Variants in GYS2 observed in about 807,000 individuals in gnomAD.
The protein encoded by GYS2 is glycogen [starch] synthase, liver.
In GYS2, 80 loss-of-function variants were observed where a neutral mutation model predicts 85.6. The observed-to-expected ratio is 0.93, with a 90% CI of 0.78 to 1.13. GYS2 has a LOEUF of 1.13. Ranked by LOEUF, GYS2 falls within the 50% of genes most tolerant of loss-of-function variation. GYS2 has a pLI of 0.00. For missense variants in GYS2, 881 were observed against 854.9 expected, an observed-to-expected ratio of 1.03 and a Z score of -0.38; for synonymous variants, 328 against 300.7, an observed-to-expected ratio of 1.09 and a Z score of -0.94.
Position 21,539,285 on chromosome 12 carries a change from G to C in GYS2, c.1863C>G (p.Phe621Leu). The change falls in exon 15 of 16, where the codon TTC becomes TTG. Residue 621 changes from phenylalanine (F) to leucine (L), a missense_variant. Phe to Leu is a conservative substitution (Grantham distance 22). Coordinates refer to ENST00000261195, the MANE Select transcript of GYS2 (RefSeq NM_021957.4). ...TTGGTGGTGATGTTAGTTCCACATG[G>C]AATTTATCTGGAAAAGCTCTGCTTA... ...LTLSRAFPDK[F>L]HVELTSPPTT... is the part of the protein sequence containing the mutation. 6.2e-7 allele frequency: 1 copy of C among 1,600,060 alleles called. No homozygotes were observed. Among genetic ancestry groups the C allele is most frequent in the Non-Finnish European group, 8.6e-7 (1 of 1,167,378 alleles).
At chr12:21,560,047 C>T (rs190756906) in intron 8 of GYS2, among the ~76,000 whole-genome samples, 1 of 152,252 alleles carries the variant, frequency 6.6e-6, no homozygotes, top group Non-Finnish European at 1.5e-5. Context: ...TGAATCTGAA[C>T]TATGAGTATA....
chr12:21,586,087 T>G (rs1249924052), intron 1 of GYS2, among the ~76,000 whole-genome samples: 1 of 152,150 alleles, frequency 6.6e-6, no homozygotes, highest in East Asian at 1.9e-4. Context: ...TGTGAGGGTA[T>G]TGCCAAAGGA....
At chr12:21,543,592 T>G (rs1200290768) in intron 12 of GYS2, among the ~76,000 whole-genome samples, 3 of 67,426 alleles carry the variant, frequency 4.4e-5, no homozygotes, top group Non-Finnish European at 7.3e-5. Flanking sequence ...TTTTAAAAAA[T>G]TTTACTTTAA....
At chr12:21,600,211 C>T (rs769139846) in intron 1 of GYS2, among the ~76,000 whole-genome samples, 21 of 152,122 alleles carry the variant, frequency 1.4e-4, no homozygotes, top group Non-Finnish European at 2.5e-4. Context: ...CTCACTAGAA[C>T]GCCTGGATTC....
At chr12:21,576,722 G>A (rs1280594286) in intron 2 of GYS2, among the ~76,000 whole-genome samples, 1 of 152,120 alleles carries the variant, frequency 6.6e-6, no homozygotes, top group East Asian at 1.9e-4. Context: ...AAGTTTTAAT[G>A]AATTAGCTCT....
At position 21,574,254 on chromosome 12, in the gene GYS2, G is replaced by A; in HGVS notation, c.568C>T (p.Leu190Phe). ...ATAGGAAGTTTCCTGGCTCGAGAAA[G>A]GATCAGTCCAATTCCAGCCTGCCAT... is the stretch of plus-strand genomic sequence containing the variant. ...HEWQAGIGLI[L>F]SRARKLPIAT... The change falls in exon 4 of 16, where the codon CTT becomes TTT. Residue 190 changes from leucine (L) to phenylalanine (F), a missense_variant. By Grantham distance (22) the Leu-to-Phe change is conservative (BLOSUM62 0). Coordinates refer to ENST00000261195, the MANE Select transcript of GYS2 (RefSeq NM_021957.4). 1 of 1,613,672 alleles carries A rather than the reference G, an allele frequency of 6.2e-7. No homozygotes were observed. The highest frequency in any genetic ancestry group is 8.5e-7 in the Non-Finnish European group (1 of 1,179,632).
intron 2 of GYS2, among the ~76,000 whole-genome samples, chr12:21,579,964 C>T (rs886984405): frequency 3.3e-5 from 5 of 152,236 alleles, no homozygotes; most frequent in African/African-American, 1.2e-4. Context: ...TTTGCAATCT[C>T]TAGCTTCTTT....
intron 5 of GYS2, among the ~76,000 whole-genome samples, chr12:21,566,550 T>C (rs534165616): frequency 6.6e-6 from 1 of 152,294 alleles, no homozygotes; most frequent in Non-Finnish European, 1.5e-5. Context: ...GAAAGCTAGC[T>C]TGTGGGCACT....
chr12:21,589,824 C>T (rs947557339), intron 1 of GYS2, among the ~76,000 whole-genome samples: 2 of 152,138 alleles, frequency 1.3e-5, no homozygotes, highest in African/African-American at 4.8e-5. Context: ...CTGGGTCCCA[C>T]CCCTGCCATC....
intron 1 of GYS2, among the ~76,000 whole-genome samples, chr12:21,584,855 C>A (rs977354428): frequency 6.6e-6 from 1 of 152,180 alleles, no homozygotes; most frequent in African/African-American, 2.4e-5. Flanking sequence ...TGCTTCTGAC[C>A]AAGCCACTCA....
intron 8 of GYS2, among the ~76,000 whole-genome samples, chr12:21,560,111 T>G (rs1944234461): frequency 6.6e-6 from 1 of 152,172 alleles, no homozygotes; most frequent in Admixed American, 6.5e-5. Flanking sequence ...AATTTCACAA[T>G]AGAAAGTTAA....
intron 12 of GYS2, among the ~76,000 whole-genome samples, chr12:21,545,737 G>A (rs1169497674): frequency 1.3e-5 from 2 of 152,100 alleles, no homozygotes; most frequent in Non-Finnish European, 2.9e-5. Context: ...GAAGAAGGAG[G>A]AGTTTCTGAA....
rs1277627398 is a variant in GYS2, at chr12:21,540,436, G to T, written c.1783C>A (p.Leu595Ile). The T allele has an allele frequency of 5.0e-6, 8 of 1,613,918 alleles. No homozygotes were observed. Among genetic ancestry groups the T allele is most frequent in the Non-Finnish European group, 6.8e-6 (8 of 1,179,964 alleles). The change falls in exon 14 of 16, where the codon CTT (leucine) becomes ATT (isoleucine). Residue 595 changes from leucine to isoleucine, a missense_variant. Transcript: ENST00000261195. ...QRNRTERLSD[L>I]LDWRYLGRYY... ...CTGCCTAAGTATCTCCAATCCAGAA[G>T]ATCTGAGAGCCTCTCAGTTCTGTTC... is the stretch of plus-strand genomic sequence containing the variant.
At chr12:21,598,991 T>C (rs1944725090) in intron 1 of GYS2, among the ~76,000 whole-genome samples, 1 of 152,044 alleles carries the variant, frequency 6.6e-6, no homozygotes, top group Non-Finnish European at 1.5e-5. Context: ...ACACTGCCAA[T>C]TTACTAAAAA....
intron 4 of GYS2, 95 bp downstream of exon 4, chr12:21,574,049 G>T: frequency 1.0e-6 from 1 of 980,240 alleles, no homozygotes; most frequent in Non-Finnish European, 1.6e-6. Context: ...TCTGCCATCT[G>T]GTTGGCAGAT....
intron 11 of GYS2, among the ~76,000 whole-genome samples, chr12:21,557,399 A>G (rs959502532): frequency 6.6e-6 from 1 of 152,190 alleles, no homozygotes; most frequent in African/African-American, 2.4e-5. Context: ...CATTGTGCCT[A>G]GTCATTGTGG....
chr12:21,569,139 T>C (rs1223600787), intron 4 of GYS2, 130 bp from the exon 5 acceptor site: 9 of 842,230 alleles, frequency 1.1e-5, no homozygotes, highest in Non-Finnish European at 1.8e-5. Flanking sequence ...AAAAAAGTAA[T>C]AAAAACTTGA....
intron 13 of GYS2, among the ~76,000 whole-genome samples, chr12:21,540,890 C>T (rs1002629517): frequency 1.3e-5 from 2 of 152,100 alleles, no homozygotes; most frequent in African/African-American, 4.8e-5. Context: ...ATATCTGTGC[C>T]TTTTATGTTC....
intron 9 of GYS2, 70 bp from the exon 10 acceptor site, chr12:21,559,239 G>T: frequency 1.3e-6 from 1 of 752,054 alleles, no homozygotes; most frequent in Non-Finnish European, 2.3e-6. Context: ...CTAAGCATCA[G>T]ATTATATATT....
Sources: allele counts gnomAD v4.1 joint callset (sites outside exome capture counted in the v4.1 genomes callset), GRCh38; gene constraint gnomAD v4.1.1; transcripts MANE v1.5; gene names NCBI Gene and HGNC (gene_info 2026-07-23, HGNC 2026-07-21).